The following LINGO2 variants were observed in gnomAD, a reference collection of about 807,000 sequenced individuals.
LINGO2 encodes leucine-rich repeat and immunoglobulin-like domain-containing nogo receptor-interacting protein 2.
A neutral mutation model predicts 30.6 loss-of-function variants in LINGO2; 14 were observed. The observed-to-expected ratio is 0.46, with a 90% CI of 0.30 to 0.72. The LOEUF is 0.72. LINGO2 is among the 30% of genes least tolerant of loss of function. The pLI, the probability that LINGO2 is intolerant of heterozygous loss-of-function variation, is 0.07. For synonymous variants in LINGO2, 317 were observed against 288.5 expected (o/e 1.10, Z -1.00); for missense variants, 729 against 751.7 (o/e 0.97, Z 0.35).
chr9:28,329,154 G>C lies in LINGO2; in HGVS notation c.-245-33788C>G, dbSNP rs1825332706. 6.6e-6 allele frequency among the ~76,000 whole-genome samples: 1 copy of C among 151,942 alleles called. No homozygotes were observed. The highest frequency in any genetic ancestry group is 1.5e-5 in the Non-Finnish European group (1 of 67,976). On this transcript the variant is annotated intron_variant, in intron 3 of 5. Transcript: ENST00000379992. The surrounding 1 kb of genome is among the most constrained non-coding windows in gnomAD (Gnocchi z 4.5). ...AGTCACTTACTAAGACAGACAGAAG[G>C]CTCCCAAATCTGAAACCAAGCCTCC... is the stretch of plus-strand genomic sequence containing the variant.
chr9:28,901,633 A>T, the LINGO2 span, among the ~76,000 whole-genome samples: 1 of 151,900 alleles, frequency 6.6e-6, no homozygotes, highest in Non-Finnish European at 1.5e-5. Flanking sequence ...TATCAGCTTA[A>T]AAGAGCATAT....
At chr9:29,108,816 C>T in the LINGO2 span, among the ~76,000 whole-genome samples, 1 of 151,996 alleles carries the variant, frequency 6.6e-6, no homozygotes, top group South Asian at 2.1e-4. Flanking sequence ...TGGGGGTTAG[C>T]CAGGAAATGA....
intron 1 of LINGO2, among the ~76,000 whole-genome samples, chr9:28,606,081 C>G (rs904127773): frequency 4.6e-5 from 7 of 151,824 alleles, no homozygotes; most frequent in African/African-American, 9.7e-5. Flanking sequence ...TTTTAATAAC[C>G]ACTTGTAGAA....
At chr9:28,600,602 C>T (rs1408575592) in intron 1 of LINGO2, among the ~76,000 whole-genome samples, 1 of 152,030 alleles carries the variant, frequency 6.6e-6, no homozygotes, top group Non-Finnish European at 1.5e-5. Context: ...AAAGTGTTTC[C>T]TGAGGAATGA....
intron 5 of LINGO2, among the ~76,000 whole-genome samples, chr9:27,992,381 C>T (rs1212888284): frequency 6.6e-6 from 1 of 152,000 alleles, no homozygotes; most frequent in Non-Finnish European, 1.5e-5. Context: ...AATGTATGCA[C>T]TTACATAAAA....
At chr9:28,845,446 C>T in the LINGO2 span, among the ~76,000 whole-genome samples, 29 of 151,856 alleles carry the variant, frequency 1.9e-4, 1 homozygote, top group African/African-American at 7.0e-4. Context: ...ATTAATTACC[C>T]CTTAAACAGA....
downstream of LINGO2, among the ~76,000 whole-genome samples, chr9:27,947,249 T>C (rs1018510994): frequency 6.6e-6 from 1 of 152,160 alleles, no homozygotes; most frequent in Admixed American, 6.5e-5. Context: ...TTTAGCCAAA[T>C]GAAACTATGC....
chr9:28,935,819 A>C, the LINGO2 span, among the ~76,000 whole-genome samples: 1 of 152,058 alleles, frequency 6.6e-6, no homozygotes, highest in Non-Finnish European at 1.5e-5. Flanking sequence ...ACCTAGTTAA[A>C]AGATACACTG....
intron 1 of LINGO2, among the ~76,000 whole-genome samples, chr9:28,498,190 G>C (rs1193040565): frequency 2.0e-5 from 3 of 152,176 alleles, no homozygotes; most frequent in Admixed American, 2.0e-4. Context: ...AAAGCTGTCA[G>C]ACAGGGACAT....
chr9:28,316,827 A>G (rs1429826684), intron 3 of LINGO2, among the ~76,000 whole-genome samples: 1 of 152,188 alleles, frequency 6.6e-6, no homozygotes, highest in Non-Finnish European at 1.5e-5. Context: ...TGACACCAGG[A>G]TGATTAGTAA....
chr9:29,070,094 C>T, the LINGO2 span, among the ~76,000 whole-genome samples: 11 of 151,762 alleles, frequency 7.2e-5, 1 homozygote, highest in African/African-American at 2.7e-4. Context: ...CATACACATA[C>T]ATATATTCAC....
chr9:28,736,986 A>T, the LINGO2 span, among the ~76,000 whole-genome samples: 1 of 152,088 alleles, frequency 6.6e-6, no homozygotes. Flanking sequence ...CTCCTAATTC[A>T]GGCCTTGGGT....
intron 1 of LINGO2, among the ~76,000 whole-genome samples, chr9:28,564,445 T>C (rs1305401980): frequency 6.6e-6 from 1 of 152,092 alleles, no homozygotes; most frequent in Admixed American, 6.5e-5. Flanking sequence ...GCACCAACCC[T>C]ACCTCTATCT....
chr9:28,514,387 G>A (rs936546398), intron 1 of LINGO2, among the ~76,000 whole-genome samples: 3 of 152,098 alleles, frequency 2.0e-5, no homozygotes, highest in African/African-American at 4.8e-5. Context: ...TGCCTCTTTC[G>A]CCAGTTAGAT....
At chr9:28,174,684 T>C (rs1260027132) in intron 4 of LINGO2, among the ~76,000 whole-genome samples, 2 of 152,232 alleles carry the variant, frequency 1.3e-5, no homozygotes, top group Non-Finnish European at 2.9e-5. Context: ...GTGATATACA[T>C]CACACCGTAT....
the LINGO2 span, among the ~76,000 whole-genome samples, chr9:29,122,821 C>T: frequency 6.6e-6 from 1 of 152,080 alleles, no homozygotes; most frequent in Non-Finnish European, 1.5e-5. Flanking sequence ...TACAAATGTT[C>T]TGACTGTGGT....
In LINGO2 at chr9:28,104,266, GTT is replaced by G. The variant is rs74180789; in HGVS notation, c.-86-91863_-86-91862del. Among the ~76,000 whole-genome samples the G allele has an allele frequency of 9.5e-3, 924 of 97,512 alleles. 6 individuals are homozygous for G. The highest frequency in any genetic ancestry group is 0.019 in the African/African-American group (504 of 26,478). The allele number at this position is 97,512 out of a possible 152,430, so 64.0% of individuals were successfully genotyped here. On this transcript the variant is annotated intron_variant, in intron 4 of 5. Coordinates refer to ENST00000379992, the Ensembl canonical transcript of LINGO2. Reference sequence around the variant, plus strand: ...TTTCCCCAGTACAAGTTTTTTGTTTGTTTTTTTTTTTTTTTTTTTTGCTTTTT... The same window carrying G: ...TTTCCCCAGTACAAGTTTTTTGTTTGTTTTTTTTTTTTTTTTTTGCTTTTT...
At chr9:28,713,798 TA>T in the LINGO2 span, among the ~76,000 whole-genome samples, 3 of 152,142 alleles carry the variant, frequency 2.0e-5, 1 homozygote, top group Non-Finnish European at 4.4e-5. Context: ...GGATCATTAA[TA>T]CATAGAATCC....
At chr9:28,066,207 T>G (rs1227147575) in intron 4 of LINGO2, among the ~76,000 whole-genome samples, 10 of 152,054 alleles carry the variant, frequency 6.6e-5, no homozygotes, top group Non-Finnish European at 1.5e-4. Flanking sequence ...AGCCTAAATT[T>G]TCTCCATGAT....
Sources: gnomAD v4.1 joint callset for allele counts (sites outside exome capture counted in the v4.1 genomes callset) on GRCh38, gnomAD v4.1.1 for gene constraint, Gnocchi (gnomAD v3.1) non-coding constraint, MANE v1.5 for transcripts, NCBI Gene and HGNC (gene_info 2026-07-23, HGNC 2026-07-21) for gene names.